Variants in ANK1 observed in about 807,000 individuals in gnomAD.
ANK1 encodes ankyrin-1.
ANK1 carries 51 observed loss-of-function variants against 210.4 expected under a neutral mutation model. That is an observed-to-expected ratio of 0.24 (90% CI 0.19 to 0.31). ANK1 has a LOEUF of 0.31. ANK1 is among the 10% of genes least tolerant of loss of function. The probability of loss-of-function intolerance (pLI) is 1.00; values close to 1 mark genes in which losing one functional copy is unlikely to be tolerated. For synonymous variants in ANK1, 967 were observed against 1,025.9 expected, an observed-to-expected ratio of 0.94 and a Z score of 1.10; for missense variants, 2,051 against 2,504.4, an observed-to-expected ratio of 0.82 and a Z score of 3.86.
At chr8:41,681,655 A>ATTGGGCTGGTTGGGCACCAGG (rs1816061699) in intron 37 of ANK1, among the ~76,000 whole-genome samples, 2 of 151,338 alleles carry the variant, frequency 1.3e-5, no homozygotes, top group Admixed American at 6.6e-5. Context: ...GCATCAGTGC[A>ATTGGGCTGGTTGGGCACCAGG]TTGGGCTGGT....
chr8:41,689,399 G>A (rs1040574829), intron 33 of ANK1, among the ~76,000 whole-genome samples: 3 of 152,052 alleles, frequency 2.0e-5, no homozygotes, highest in African/African-American at 7.3e-5. Flanking sequence ...AAGCACTGGG[G>A]TTACAGGCAT....
chr8:41,841,231 G>A (rs1808832171), intron 1 of ANK1, among the ~76,000 whole-genome samples: 1 of 152,134 alleles, frequency 6.6e-6, no homozygotes, highest in Non-Finnish European at 1.5e-5. Flanking sequence ...GAAAATGAGG[G>A]AAATCCTACT....
intron 1 of ANK1, among the ~76,000 whole-genome samples, chr8:41,832,983 C>T (rs1472587444): frequency 6.6e-6 from 1 of 152,196 alleles, no homozygotes; most frequent in Non-Finnish European, 1.5e-5. Context: ...CTCAAGACAC[C>T]TGCCCCAAAA....
chr8:41,786,124 G>T (rs1373999664), intron 1 of ANK1, among the ~76,000 whole-genome samples: 1 of 152,204 alleles, frequency 6.6e-6, no homozygotes, highest in East Asian at 1.9e-4. Context: ...GCGGTTTGTG[G>T]TCGAGGCACA....
intron 1 of ANK1, among the ~76,000 whole-genome samples, chr8:41,838,238 G>C (rs757890411): frequency 5.9e-5 from 9 of 152,194 alleles, no homozygotes; most frequent in Non-Finnish European, 1.3e-4. Context: ...GAAAGGTTTG[G>C]TGAATTGCCC....
At chr8:41,663,475 T>G (rs1014051341) in intron 40 of ANK1, among the ~76,000 whole-genome samples, 184 bp downstream of exon 40, 1 of 152,162 alleles carries the variant, frequency 6.6e-6, no homozygotes, top group Non-Finnish European at 1.5e-5. Flanking sequence ...ACACCATGAC[T>G]GGACTGCAGA....
chr8:41,725,776 C>A lies in ANK1; in HGVS notation c.597G>T (p.Pro199=). 6.2e-7 allele frequency: 1 copy of A among 1,610,240 alleles called. No homozygotes were observed. Among genetic ancestry groups the A allele is most frequent in the Non-Finnish European group, 8.5e-7 (1 of 1,179,496 alleles). ...TCGCCCTCACCTTGGAAAGCACGTC[C>A]GGGTTGGGGTCGTTCTGCAGCAGCA... ...AAVLLQNDPN[P]DVLSKTGFTP... The change falls in exon 6 of 43, where the codon CCG becomes CCT. Residue 199 remains proline (P), a synonymous_variant. Transcript: ENST00000289734.
intron 1 of ANK1, among the ~76,000 whole-genome samples, chr8:41,814,877 T>C (rs1473299134): frequency 6.6e-6 from 1 of 152,164 alleles, no homozygotes; most frequent in Non-Finnish European, 1.5e-5. Context: ...AAACATCATT[T>C]CCTACTTGAT....
chr8:41,802,993 G>GAGAGAA (rs1305908669), intron 1 of ANK1, among the ~76,000 whole-genome samples: 1 of 66,596 alleles, frequency 1.5e-5, no homozygotes, highest in Non-Finnish European at 3.2e-5. Context: ...AAGAGAGAAA[G>GAGAGAA]AGAGAAAGAA....
intron 1 of ANK1, among the ~76,000 whole-genome samples, chr8:41,834,850 T>G (rs2150800142): frequency 6.6e-6 from 1 of 152,332 alleles, no homozygotes; most frequent in Middle Eastern, 3.4e-3. Flanking sequence ...TGGATCCTGT[T>G]GAGGACAGAA....
intron 1 of ANK1, among the ~76,000 whole-genome samples, chr8:41,879,104 G>A (rs920886343): frequency 6.6e-6 from 1 of 152,004 alleles, no homozygotes; most frequent in Non-Finnish European, 1.5e-5. Context: ...AAAAAATGCA[G>A]GACAATGTGT....
At chr8:41,716,884 A>G in intron 13 of ANK1, 69 bp downstream of exon 13, 1 of 1,492,330 alleles carries the variant, frequency 6.7e-7, no homozygotes, top group Non-Finnish European at 9.3e-7. Context: ...TGGAATGAGG[A>G]TGGGTTCTCT....
At chr8:41,750,608 C>T (rs1385822175) in intron 2 of ANK1, among the ~76,000 whole-genome samples, 3 of 151,758 alleles carry the variant, frequency 2.0e-5, no homozygotes, top group East Asian at 3.9e-4. Context: ...TTTATGAGCA[C>T]GTGCTATAGG....
At position 41,753,357 on chromosome 8, in the gene ANK1, C is replaced by T. The variant is rs904868741; in HGVS notation, c.129+4679G>A. ...CTGAGATTACAGGTATGAGCTATCG[C>T]GCCCGGCCTGCTGCAGGCTCTTAAG... is the stretch of plus-strand genomic sequence containing the variant. On this transcript the variant is annotated intron_variant, in intron 2 of 42. Transcript: ENST00000289734. 5.3e-5 allele frequency among the ~76,000 whole-genome samples: 8 copies of T among 151,994 alleles called. No homozygotes were observed. In the East Asian group the frequency reaches 5.8e-4, roughly 11 times the overall value.
chr8:41,896,555 G>T, exon 1 of ANK1: 1 of 1,507,592 alleles, frequency 6.6e-7, no homozygotes, highest in Admixed American at 2.1e-5. Flanking sequence ...CACCCCCTAA[G>T]AAGGGGAAGG....
intron 15 of ANK1, among the ~76,000 whole-genome samples, 157 bp from the exon 16 acceptor site, chr8:41,714,411 G>A (rs987965190): frequency 3.3e-5 from 5 of 152,270 alleles, no homozygotes; most frequent in Non-Finnish European, 7.4e-5. Context: ...GAATGTCATC[G>A]GCAGGACCCA....
chr8:41,785,253 G>A (rs565918901), intron 1 of ANK1, among the ~76,000 whole-genome samples: 5 of 152,298 alleles, frequency 3.3e-5, no homozygotes, highest in East Asian at 3.9e-4. Flanking sequence ...CTGGCTACTC[G>A]GAAGGCTGAG....
intron 37 of ANK1, among the ~76,000 whole-genome samples, chr8:41,677,500 G>A (rs1814542497): frequency 1.3e-5 from 2 of 151,942 alleles, no homozygotes; most frequent in African/African-American, 4.8e-5. Context: ...TTACTTTGGA[G>A]ATGTTATTTC....
intron 1 of ANK1, among the ~76,000 whole-genome samples, chr8:41,813,024 C>T (rs562922224): frequency 2.6e-5 from 4 of 152,300 alleles, no homozygotes; most frequent in African/African-American, 9.6e-5. Flanking sequence ...TCCAATAACC[C>T]ACCAAAGCGT....
Sources: gnomAD v4.1 joint callset for allele counts (sites outside exome capture counted in the v4.1 genomes callset) on GRCh38, gnomAD v4.1.1 for gene constraint, MANE v1.5 for transcripts, NCBI Gene and HGNC (gene_info 2026-07-23, HGNC 2026-07-21) for gene names.